The following CLEC16A variants were observed in gnomAD, a reference collection of about 807,000 sequenced individuals.
The protein encoded by CLEC16A is C-type lectin domain containing 16A.
Under a neutral mutation model 109.5 loss-of-function variants are expected in CLEC16A, and 51 were observed. The observed-to-expected ratio is 0.47, with a 90% confidence interval of 0.37 to 0.59. The LOEUF (loss-of-function observed/expected upper bound fraction) is 0.59, where lower values mean the gene tolerates loss of function less well. Among genes scored for constraint, CLEC16A ranks in the 20% least tolerant of loss-of-function variants. CLEC16A has a pLI of 0.00. For missense variants in CLEC16A, 1,339 were observed against 1,394.0 expected, an observed-to-expected ratio of 0.96 and a Z score of 0.63; for synonymous variants, 673 against 564.2, an observed-to-expected ratio of 1.19 and a Z score of -2.73.
Position 11,044,063 on chromosome 16 carries a change from T to C in CLEC16A, c.1806T>C (p.His602=). The change falls in exon 16 of 24, where the codon CAT becomes CAC. Residue 602 remains histidine, a synonymous_variant. Transcript: ENST00000409790. ...AAGAAAGTGTTCACCTTGTACGACA[T>C]TTTTATAAGGTAATTGGCAGAGCAC... is the stretch of plus-strand genomic sequence containing the variant. ...AREESVHLVR[H]FYKGEDIFLD... 2 of 1,608,768 alleles carry C rather than the reference T, an allele frequency of 1.2e-6. No individual in the cohort carries two copies. The highest frequency in any genetic ancestry group is 1.7e-6 in the Non-Finnish European group (2 of 1,176,794).
At chr16:11,010,696 T>G (rs992829905) in intron 11 of CLEC16A, among the ~76,000 whole-genome samples, 4 of 152,208 alleles carry the variant, frequency 2.6e-5, no homozygotes, top group African/African-American at 9.6e-5. Context: ...GCTGTGTTCT[T>G]GTTGTATTGG....
intron 19 of CLEC16A, among the ~76,000 whole-genome samples, chr16:11,099,513 A>C (rs540943135): frequency 2.0e-5 from 3 of 152,394 alleles, no homozygotes; most frequent in African/African-American, 7.2e-5. Context: ...TGTACTAGAC[A>C]GCATGGTCGT....
chr16:11,024,887 G>T lies in CLEC16A; in HGVS notation c.1503G>T (p.Val501=), dbSNP rs753860301. Residue 501 remains valine (V), a synonymous_variant, in exon 13 of 24, where the codon GTG becomes GTT. Coordinates refer to ENST00000409790, the MANE Select transcript of CLEC16A (RefSeq NM_015226.3). ...ATGATGATTACCATGCCCTGTTCGT[G>T]CTCTGCCTCCTCTATGCCATGTCTC... ...SPDDDYHALF[V]LCLLYAMSHN... 2 of 1,609,838 alleles carry T rather than the reference G, an allele frequency of 1.2e-6. No homozygotes were observed. Among genetic ancestry groups the T allele is most frequent in the East Asian group, 2.2e-5 (1 of 44,772 alleles).
chr16:11,175,988 A>G (rs1490528193), intron 23 of CLEC16A, among the ~76,000 whole-genome samples: 1 of 152,260 alleles, frequency 6.6e-6, no homozygotes, highest in Non-Finnish European at 1.5e-5. Flanking sequence ...GGACAGTGCC[A>G]TTTGGGGAAT....
At chr16:11,137,457 C>G (rs951607273) in intron 22 of CLEC16A, among the ~76,000 whole-genome samples, 3 of 151,918 alleles carry the variant, frequency 2.0e-5, no homozygotes, top group African/African-American at 4.8e-5. Context: ...CTTTGGGATC[C>G]AAGAAAATGA....
chr16:10,977,974 A>T (rs113423001), intron 8 of CLEC16A, among the ~76,000 whole-genome samples: 1,687 of 152,304 alleles, frequency 0.011, 24 homozygotes, highest in African/African-American at 0.038. Context: ...CTACAAATGT[A>T]GGGTTTTGGT....
chr16:11,083,344 T>C (rs2049839674), intron 19 of CLEC16A, among the ~76,000 whole-genome samples: 1 of 152,056 alleles, frequency 6.6e-6, no homozygotes, highest in Non-Finnish European at 1.5e-5. Context: ...TTTGATTTTT[T>C]GTAGAGACAG....
chr16:10,947,545 C>T (rs2041454618), intron 1 of CLEC16A, among the ~76,000 whole-genome samples: 1 of 152,172 alleles, frequency 6.6e-6, no homozygotes, highest in Admixed American at 6.5e-5. Context: ...AGCACTGTGA[C>T]CAGGACCCTG....
At chr16:11,003,386 C>A in intron 11 of CLEC16A, 81 bp downstream of exon 11, 1 of 1,096,852 alleles carries the variant, frequency 9.1e-7, no homozygotes, top group Non-Finnish European at 1.3e-6. Context: ...GCCCTCTCCA[C>A]CCAGACTTCT....
At chr16:11,031,458 C>T (rs1025885492) in intron 13 of CLEC16A, among the ~76,000 whole-genome samples, 1 of 152,220 alleles carries the variant, frequency 6.6e-6, no homozygotes, top group South Asian at 2.1e-4. Flanking sequence ...AGACCACTCA[C>T]CTGTGTTCCC....
At chr16:11,067,199 T>G (rs1461473362) in intron 19 of CLEC16A, among the ~76,000 whole-genome samples, 76 of 148,352 alleles carry the variant, frequency 5.1e-4, no homozygotes, top group Admixed American at 3.4e-3. Context: ...GTTTTTTTTT[T>G]TTTTTTTTTT....
At chr16:11,000,873 C>T (rs2044628755) in intron 10 of CLEC16A, among the ~76,000 whole-genome samples, 1 of 152,110 alleles carries the variant, frequency 6.6e-6, no homozygotes, top group African/African-American at 2.4e-5. Context: ...CGGTGTTCCC[C>T]AGCATATAAT....
rs149485373 is a variant in CLEC16A at position 10,945,708 on chromosome 16, A to T, written c.80+911A>T. 3.6e-3 allele frequency among the ~76,000 whole-genome samples: 551 copies of T among 152,322 alleles called. 2 individuals carry two copies. Among genetic ancestry groups the T allele is most frequent in the African/African-American group, 0.013 (528 of 41,564 alleles). ...CCCAGTAGGTACATAGTAGGTGGCC[A>T]GTAGTGGTAGCTGTGTTTATTATCA... is the stretch of plus-strand genomic sequence containing the variant. On this transcript the variant is annotated intron_variant, in intron 1 of 23. Transcript: ENST00000409790.
chr16:11,172,393 C>T (rs1438996404), intron 23 of CLEC16A, among the ~76,000 whole-genome samples: 1 of 152,180 alleles, frequency 6.6e-6, no homozygotes, highest in African/African-American at 2.4e-5. Context: ...GAACTCTGAC[C>T]TACAGTGAGT....
intron 22 of CLEC16A, chr16:11,157,083 A>C (rs1359494023): frequency 2.3e-6 from 3 of 1,304,408 alleles, no homozygotes; most frequent in Non-Finnish European, 3.0e-6. Flanking sequence ...GCAGGTTTTC[A>C]AGGATAGTGT....
intron 22 of CLEC16A, among the ~76,000 whole-genome samples, chr16:11,157,912 G>A (rs576715100): frequency 6.6e-6 from 1 of 152,230 alleles, no homozygotes; most frequent in African/African-American, 2.4e-5. Flanking sequence ...CAGGGTGTAG[G>A]ATCCAGAGCT....
intron 19 of CLEC16A, among the ~76,000 whole-genome samples, chr16:11,093,457 C>T (rs1251575824): frequency 6.6e-6 from 1 of 152,206 alleles, no homozygotes; most frequent in Non-Finnish European, 1.5e-5. Context: ...TTCCAGTGTA[C>T]AGGCCGGGAG....
intron 11 of CLEC16A, among the ~76,000 whole-genome samples, chr16:11,018,121 A>C (rs1398427520): frequency 6.6e-6 from 1 of 151,008 alleles, no homozygotes; most frequent in Admixed American, 6.6e-5. Flanking sequence ...CAGCCTGGGC[A>C]ACATAGTGAG....
In CLEC16A at chr16:10,952,490, C is replaced by G. The variant is rs1263775885; in HGVS notation, c.81-5292C>G. On this transcript the variant is annotated intron_variant, in intron 1 of 23. Coordinates refer to ENST00000409790, the MANE Select transcript of CLEC16A (RefSeq NM_015226.3). ...GCCTGATGACAGAGCAAGACTCCAT[C>G]TCAGAAAATGACAACAACAACAAAA... 2.0e-5 allele frequency among the ~76,000 whole-genome samples: 3 copies of G among 152,340 alleles called. No individual in the cohort carries two copies. In the East Asian group the frequency reaches 5.8e-4, roughly 29 times the overall value.
Sources: allele counts gnomAD v4.1 joint callset (sites outside exome capture counted in the v4.1 genomes callset), GRCh38; gene constraint gnomAD v4.1.1; transcripts MANE v1.5; gene names NCBI Gene and HGNC (gene_info 2026-07-23, HGNC 2026-07-21).